GRM8: variants seen among roughly 807,000 people sequenced by gnomAD.
GRM8 encodes the protein glutamate metabotropic receptor 8, also known as metabotropic glutamate receptor 8.
Under a neutral mutation model 87.2 loss-of-function variants are expected in GRM8, and 47 were observed. That is an observed-to-expected ratio of 0.54 (90% CI 0.43 to 0.69). GRM8 has a LOEUF of 0.69. Among genes scored for constraint, GRM8 ranks in the 30% least tolerant of loss-of-function variants. The probability of loss-of-function intolerance (pLI) is 0.00; values close to 1 mark genes in which losing one functional copy is unlikely to be tolerated. For synonymous variants in GRM8, 396 were observed against 404.5 expected (o/e 0.98, Z 0.25); for missense variants, 1,019 against 1,139.2 (o/e 0.89, Z 1.52).
At chr7:127,195,135 A>G (rs17863237) in intron 2 of GRM8, among the ~76,000 whole-genome samples, 1 of 152,074 alleles carries the variant, frequency 6.6e-6, no homozygotes, top group Non-Finnish European at 1.5e-5. Context: ...TATCTGATAC[A>G]TATGTACAAA....
intron 8 of GRM8, among the ~76,000 whole-genome samples, chr7:126,540,037 C>G (rs148378365): frequency 6.6e-6 from 1 of 151,902 alleles, no homozygotes; most frequent in Non-Finnish European, 1.5e-5. Flanking sequence ...AAAATATGTT[C>G]AAGTCATTAT....
chr7:126,787,234 A>G (rs1820713406), intron 6 of GRM8, among the ~76,000 whole-genome samples: 1 of 152,104 alleles, frequency 6.6e-6, no homozygotes, highest in Admixed American at 6.5e-5. Flanking sequence ...TCTGGAATTT[A>G]TGTCACCAAC....
intron 2 of GRM8, among the ~76,000 whole-genome samples, chr7:127,166,859 A>G (rs1793483089): frequency 6.6e-6 from 1 of 152,116 alleles, no homozygotes; most frequent in Non-Finnish European, 1.5e-5. Flanking sequence ...AACTTGTTTA[A>G]ACTAGTATTG....
intron 3 of GRM8, among the ~76,000 whole-genome samples, chr7:126,994,434 C>CG (rs879841730): frequency 1.3e-5 from 2 of 152,116 alleles, no homozygotes; most frequent in Admixed American, 1.3e-4. Context: ...CAAGTGGGCT[C>CG]TTAGGGATCC....
chr7:126,692,664 G>A (rs977398698), intron 7 of GRM8, among the ~76,000 whole-genome samples: 2 of 152,062 alleles, frequency 1.3e-5, no homozygotes, highest in African/African-American at 4.8e-5. Context: ...ATCTAATATT[G>A]CTTAACTGTA....
chr7:127,006,008 G>A (rs1032515444), intron 3 of GRM8, among the ~76,000 whole-genome samples: 1 of 151,358 alleles, frequency 6.6e-6, no homozygotes, highest in African/African-American at 2.4e-5. Flanking sequence ...TTTTCCTCTG[G>A]CCTCAAAGCC....
chr7:126,493,282 T>C (rs1159317270), intron 9 of GRM8, among the ~76,000 whole-genome samples: 1 of 152,002 alleles, frequency 6.6e-6, no homozygotes, highest in Non-Finnish European at 1.5e-5. Context: ...CAGGAGAGAC[T>C]GGGGTCACTG....
At chr7:126,689,843 T>A (rs115146296) in intron 7 of GRM8, among the ~76,000 whole-genome samples, 1 of 152,220 alleles carries the variant, frequency 6.6e-6, no homozygotes, top group Non-Finnish European at 1.5e-5. Flanking sequence ...ATTGTTCTTA[T>A]GCTACTGGAC....
intron 3 of GRM8, among the ~76,000 whole-genome samples, chr7:126,917,894 T>C (rs1183988145): frequency 2.0e-5 from 3 of 152,172 alleles, no homozygotes; most frequent in Admixed American, 6.5e-5. Context: ...AAAGAGCCTA[T>C]TGCAAGCTAT....
intron 7 of GRM8, among the ~76,000 whole-genome samples, chr7:126,752,513 T>C (rs1200154215): frequency 6.6e-6 from 1 of 152,098 alleles, no homozygotes; most frequent in Non-Finnish European, 1.5e-5. Context: ...CAGTAGGGTA[T>C]AGTACAGACT....
At chr7:126,746,828 C>A (rs530499484) in intron 7 of GRM8, among the ~76,000 whole-genome samples, 3 of 151,610 alleles carry the variant, frequency 2.0e-5, no homozygotes, top group South Asian at 4.2e-4. Context: ...GTCTTGATAA[C>A]AATGATCTTT....
intron 3 of GRM8, among the ~76,000 whole-genome samples, chr7:127,036,071 C>A: frequency 6.6e-6 from 1 of 152,134 alleles, no homozygotes; most frequent in East Asian, 1.9e-4. Flanking sequence ...AGATTTGGAC[C>A]AGTATATTTG....
intron 8 of GRM8, among the ~76,000 whole-genome samples, chr7:126,606,092 T>C (rs764652550): frequency 3.3e-5 from 5 of 152,180 alleles, no homozygotes; most frequent in Non-Finnish European, 5.9e-5. Flanking sequence ...AATAAATTTA[T>C]CTCATATAAA....
chr7:126,826,954 C>T (rs1468259202), intron 6 of GRM8, among the ~76,000 whole-genome samples: 1 of 152,172 alleles, frequency 6.6e-6, no homozygotes, highest in Admixed American at 6.5e-5. Flanking sequence ...TTTCCCAGCA[C>T]CGTTTATTAA....
At chr7:127,156,360 T>G (rs1295164859) in intron 2 of GRM8, among the ~76,000 whole-genome samples, 1 of 152,158 alleles carries the variant, frequency 6.6e-6, no homozygotes, top group Non-Finnish European at 1.5e-5. Context: ...CCCTAAACGG[T>G]TCCTCCACCT....
chr7:126,529,691 G>A (rs1422448096), intron 9 of GRM8, among the ~76,000 whole-genome samples: 1 of 152,112 alleles, frequency 6.6e-6, no homozygotes, highest in Non-Finnish European at 1.5e-5. Flanking sequence ...ACCCTTGTCT[G>A]ATTATCTCGA....
chr7:126,828,754 T>C (rs1795066740), intron 6 of GRM8, among the ~76,000 whole-genome samples: 1 of 152,220 alleles, frequency 6.6e-6, no homozygotes, highest in African/African-American at 2.4e-5. Context: ...CTTTTGAATG[T>C]GTTTGCTCTT....
intron 7 of GRM8, among the ~76,000 whole-genome samples, chr7:126,762,112 G>T (rs1182777940): frequency 6.6e-6 from 1 of 151,912 alleles, no homozygotes; most frequent in Non-Finnish European, 1.5e-5. Context: ...AAAAGACACA[G>T]CACTCTTGTA....
intron 5 of GRM8, among the ~76,000 whole-genome samples, chr7:126,903,448 T>A (rs1371426709): frequency 6.6e-6 from 1 of 151,436 alleles, no homozygotes; most frequent in South Asian, 2.1e-4. Flanking sequence ...ATAACCACCA[T>A]AAATACCCAT....
Sources: gnomAD v4.1 joint callset for allele counts (sites outside exome capture counted in the v4.1 genomes callset) on GRCh38, gnomAD v4.1.1 for gene constraint, MANE v1.5 for transcripts, NCBI Gene and HGNC (gene_info 2026-07-23, HGNC 2026-07-21) for gene names.